The following ERH variants were observed in gnomAD, a reference collection of about 807,000 sequenced individuals.
ERH encodes enhancer of rudimentary homolog.
A neutral mutation model predicts 16.8 loss-of-function variants in ERH; 1 was observed. The ratio of observed to expected loss-of-function variants is 0.06; its 90% confidence interval spans 0.02 to 0.28. ERH has a LOEUF of 0.28. Ranked by LOEUF, ERH falls within the 10% of genes least tolerant of loss-of-function variation. The probability of loss-of-function intolerance (pLI) is 1.00; values close to 1 mark genes in which losing one functional copy is unlikely to be tolerated. For missense variants in ERH, 42 were observed against 127.5 expected (o/e 0.33, Z 3.23); for synonymous variants, 43 against 43.6 (o/e 0.99, Z 0.05).
intron 2 of ERH, among the ~76,000 whole-genome samples, chr14:69,392,434 G>A (rs544153712): frequency 3.9e-5 from 6 of 152,228 alleles, no homozygotes; most frequent in African/African-American, 1.2e-4. Context: ...AGCCACACAC[G>A]ATAATGATTC....
intron 1 of ERH, 171 bp downstream of exon 1, chr14:69,398,060 A>G (rs1594891493): frequency 1.1e-5 from 9 of 848,230 alleles, no homozygotes; most frequent in African/African-American, 1.7e-5. Flanking sequence ...CGAGGCCTAG[A>G]GTCAGGCCTG....
chr14:69,382,405 TA>T (rs898007178), intron 3 of ERH, among the ~76,000 whole-genome samples: 1 of 152,126 alleles, frequency 6.6e-6, no homozygotes, highest in African/African-American at 2.4e-5. Context: ...GAAAATAACT[TA>T]AAAAGGAACA....
At chr14:69,394,093 C>T (rs1456185967) in intron 2 of ERH, among the ~76,000 whole-genome samples, 4 of 151,770 alleles carry the variant, frequency 2.6e-5, no homozygotes, top group East Asian at 3.9e-4. Context: ...CACTTGTATC[C>T]CTTAAATCTA....
chr14:69,391,474 G>A (rs903653360), intron 2 of ERH, among the ~76,000 whole-genome samples: 10 of 151,320 alleles, frequency 6.6e-5, no homozygotes, highest in East Asian at 1.9e-4. Context: ...AGTAAAACCC[G>A]TCTCTACTAA....
intron 3 of ERH, 42 bp downstream of exon 3, chr14:69,386,921 A>G (rs776318855): frequency 6.2e-7 from 1 of 1,602,464 alleles, no homozygotes; most frequent in Non-Finnish European, 8.5e-7. Context: ...ACAGAAAAGC[A>G]ATAGAAAATA....
intron 2 of ERH, among the ~76,000 whole-genome samples, chr14:69,387,541 A>G (rs2045899756): frequency 6.6e-6 from 1 of 152,158 alleles, no homozygotes; most frequent in South Asian, 2.1e-4. Context: ...AATTCACCAC[A>G]ATGTTGATGT....
Position 69,380,577 on chromosome 14 carries a change from G to A in ERH, c.276C>T (p.Tyr92=), listed in dbSNP as rs143972031. Residue 92 remains tyrosine, a synonymous_variant, in exon 4 of 4, where the codon TAC becomes TAT. Coordinates refer to ENST00000557016, the MANE Select transcript of ERH (RefSeq NM_004450.3). ...YNKDWIKEKI[Y]VLLRRQAQQA... The stretch of plus-strand genomic sequence containing the variant: ...GTTGGGCCTGCCGACGAAGGAGCAC[G>A]TAGATCTTCTCTTTAATCCAGTCTT... The A allele has an allele frequency of 3.3e-5, 53 of 1,598,156 alleles. No individual in the cohort carries two copies. The highest frequency in any genetic ancestry group is 4.0e-5 in the Non-Finnish European group (47 of 1,170,294).
intron 2 of ERH, among the ~76,000 whole-genome samples, chr14:69,388,275 G>A (rs1444080588): frequency 1.3e-5 from 2 of 151,982 alleles, no homozygotes; most frequent in Non-Finnish European, 2.9e-5. Flanking sequence ...AAGATAATGA[G>A]CAAAATCATT....
At chr14:69,397,148 G>C (rs962433614) in intron 1 of ERH, among the ~76,000 whole-genome samples, 1 of 152,164 alleles carries the variant, frequency 6.6e-6, no homozygotes, top group Admixed American at 6.5e-5. Context: ...CAAAGACAAG[G>C]ATTAAAAATC....
At chr14:69,393,106 C>T (rs1369100318) in intron 2 of ERH, among the ~76,000 whole-genome samples, 1 of 152,148 alleles carries the variant, frequency 6.6e-6, no homozygotes, top group Non-Finnish European at 1.5e-5. Flanking sequence ...CACTTGAGGT[C>T]AGGAGTTCGG....
chr14:69,382,826 T>A (rs990037843), intron 3 of ERH, among the ~76,000 whole-genome samples: 7 of 151,902 alleles, frequency 4.6e-5, no homozygotes, highest in African/African-American at 1.7e-4. Flanking sequence ...ATGCCTTCTT[T>A]ATGGAAAGCT....
At chr14:69,396,643 T>C (rs1382203046) in intron 1 of ERH, among the ~76,000 whole-genome samples, 1 of 152,222 alleles carries the variant, frequency 6.6e-6, no homozygotes, top group Admixed American at 6.5e-5. Context: ...GGAAAAATAG[T>C]ACATTTAACA....
At chr14:69,387,518 T>C (rs539264833) in intron 2 of ERH, among the ~76,000 whole-genome samples, 50 of 152,094 alleles carry the variant, frequency 3.3e-4, no homozygotes, top group Non-Finnish European at 6.6e-4. Context: ...CACTCCAGTC[T>C]GGGCAGCTGA....
intron 1 of ERH, chr14:69,398,022 C>T: frequency 1.6e-6 from 1 of 639,372 alleles, no homozygotes; most frequent in Non-Finnish European, 2.7e-6. Context: ...AGCAGGCGGG[C>T]GCGCAACCGC....
intron 1 of ERH, among the ~76,000 whole-genome samples, chr14:69,397,094 A>C (rs1384509661): frequency 6.6e-6 from 1 of 152,362 alleles, no homozygotes; most frequent in African/African-American, 2.4e-5. Flanking sequence ...TCTAGTCTTA[A>C]AATGAACACC....
In ERH at chr14:69,390,233, T is replaced by C. The variant is rs571555819; in HGVS notation, c.92-3150A>G. Among the ~76,000 whole-genome samples, 43 of 152,168 alleles carry C rather than the reference T, an allele frequency of 2.8e-4. 1 individual carries two copies. Among genetic ancestry groups the C allele is most frequent in the African/African-American group, 1.0e-3 (42 of 41,484 alleles). On this transcript the variant is annotated intron_variant, in intron 2 of 3. Coordinates refer to ENST00000557016, the MANE Select transcript of ERH (RefSeq NM_004450.3). ...GCTAATCCTAAGTTTGACACAGAAATGCAGGAGACCCAAGACAGCCAAAAT... is the reference window on the plus strand; with the variant it reads ...GCTAATCCTAAGTTTGACACAGAAACGCAGGAGACCCAAGACAGCCAAAAT...
intron 3 of ERH, among the ~76,000 whole-genome samples, chr14:69,382,690 TTA>T (rs2045869624): frequency 1.3e-5 from 2 of 150,678 alleles, no homozygotes. Context: ...AATACAAAAA[TTA>T]GCTGGGCGTG....
chr14:69,380,906 T>C (rs992245709), intron 3 of ERH, among the ~76,000 whole-genome samples: 1 of 152,242 alleles, frequency 6.6e-6, no homozygotes, highest in African/African-American at 2.4e-5. Context: ...ATCTACTTCT[T>C]GACAGAGTAT....
At chr14:69,395,663 A>G (rs1882318259) in intron 1 of ERH, among the ~76,000 whole-genome samples, 1 of 152,252 alleles carries the variant, frequency 6.6e-6, no homozygotes, top group Non-Finnish European at 1.5e-5. Context: ...CCTCAGCGTA[A>G]GAGCAAAGTC....
Sources: allele counts gnomAD v4.1 joint callset (sites outside exome capture counted in the v4.1 genomes callset), GRCh38; gene constraint gnomAD v4.1.1; transcripts MANE v1.5; gene names NCBI Gene and HGNC (gene_info 2026-07-23, HGNC 2026-07-21).